The following PDK1 variants were observed in gnomAD, a reference collection of about 807,000 sequenced individuals.
PDK1 encodes [Pyruvate dehydrogenase (acetyl-transferring)] kinase isozyme 1, mitochondrial.
In PDK1, 39 loss-of-function variants were observed where a neutral mutation model predicts 54.2. The observed-to-expected ratio is 0.72, with a 90% confidence interval of 0.56 to 0.94. PDK1 has a LOEUF of 0.94. PDK1 is among the 40% of genes least tolerant of loss of function. The pLI is 0.00. For missense variants in PDK1, 552 were observed against 566.0 expected, an observed-to-expected ratio of 0.98 and a Z score of 0.25; for synonymous variants, 221 against 207.1, an observed-to-expected ratio of 1.07 and a Z score of -0.58.
intron 8 of PDK1, among the ~76,000 whole-genome samples, chr2:172,574,503 C>T (rs1478111916): frequency 6.6e-6 from 1 of 152,100 alleles, no homozygotes. Context: ...GGAAGTGTTG[C>T]CATCTTAGAG....
At chr2:172,703,892 C>T in the PDK1 span, among the ~76,000 whole-genome samples, 1 of 150,692 alleles carries the variant, frequency 6.6e-6, no homozygotes, top group Non-Finnish European at 1.5e-5. Flanking sequence ...CCTGCCTCAT[C>T]CTCCTGAGTA....
the PDK1 span, among the ~76,000 whole-genome samples, chr2:172,614,379 A>T: frequency 1.3e-5 from 2 of 152,192 alleles, no homozygotes; most frequent in Non-Finnish European, 2.9e-5. Context: ...CCTATGGACC[A>T]ATCAGCATGT....
the PDK1 span, among the ~76,000 whole-genome samples, chr2:172,669,032 C>CA: frequency 2.8e-5 from 4 of 145,454 alleles, no homozygotes; most frequent in Non-Finnish European, 6.0e-5. Context: ...CATGCTGCTT[C>CA]AAATGACAGA....
Position 172,597,765 on chromosome 2 carries a change from A to C in PDK1, c.*1796A>C. 1 of 152,238 alleles carries C rather than the reference A, an allele frequency of 6.6e-6. No homozygotes were observed. The highest frequency in any genetic ancestry group is 1.9e-4 in the East Asian group (1 of 5,202). 9.4% of individuals were successfully genotyped at this position (152,238 alleles called of 1,614,324 possible). A position where few individuals can be genotyped will look rare whatever the true frequency, so the allele number is the denominator to read the frequency against. ...TAAGGTGGCAGGAAATAATATTGGA[A>C]ATAACATTTTAAAGTAAAAATTTTA... On this transcript the variant is annotated 3_prime_UTR_variant, in exon 11 of 11. Transcript: ENST00000282077.
the PDK1 span, among the ~76,000 whole-genome samples, chr2:172,634,122 C>T: frequency 1.3e-5 from 2 of 151,196 alleles, no homozygotes; most frequent in African/African-American, 4.8e-5. Context: ...AGGTCATCTG[C>T]CCGCCTCAGC....
At chr2:172,645,581 T>C in the PDK1 span, among the ~76,000 whole-genome samples, 1 of 152,136 alleles carries the variant, frequency 6.6e-6, no homozygotes, top group African/African-American at 2.4e-5. Flanking sequence ...TTTATTGTGC[T>C]CTTAATACAT....
At chr2:172,660,858 A>C in the PDK1 span, among the ~76,000 whole-genome samples, 1 of 152,018 alleles carries the variant, frequency 6.6e-6, no homozygotes, top group East Asian at 1.9e-4. Flanking sequence ...CTGTTGCTCT[A>C]AATAAGCCCA....
intron 9 of PDK1, among the ~76,000 whole-genome samples, chr2:172,588,508 T>C (rs1690385069): frequency 6.6e-6 from 1 of 152,248 alleles, no homozygotes; most frequent in African/African-American, 2.4e-5. Context: ...AAATGCCATG[T>C]AAGTGTGTGT....
chr2:172,588,640 G>A (rs1295102091), intron 9 of PDK1, among the ~76,000 whole-genome samples: 1 of 152,172 alleles, frequency 6.6e-6, no homozygotes, highest in African/African-American at 2.4e-5. Context: ...TTCTTGCAGA[G>A]CCTCCTTTCT....
the PDK1 span, among the ~76,000 whole-genome samples, chr2:172,622,156 T>TATTATGTGAGATATGTTTATATC: frequency 3.7e-5 from 5 of 133,710 alleles, no homozygotes; most frequent in Non-Finnish European, 4.9e-5. Context: ...GTTTATATCA[T>TATTATGTGAGATATGTTTATATC]ATATTATGTG....
At chr2:172,670,272 A>C in the PDK1 span, among the ~76,000 whole-genome samples, 1 of 152,158 alleles carries the variant, frequency 6.6e-6, no homozygotes, top group Non-Finnish European at 1.5e-5. Context: ...AATAACCATG[A>C]CCTAAAATTT....
chr2:172,669,082 C>A, the PDK1 span, among the ~76,000 whole-genome samples: 2 of 102,224 alleles, frequency 2.0e-5, no homozygotes, highest in South Asian at 3.2e-4. Context: ...TTTTTTGAGA[C>A]GGAGTCTCGC....
At position 172,591,902 on chromosome 2, in the gene PDK1, A is replaced by G. The variant is rs576107164; in HGVS notation, c.1057-1033A>G. 1.5e-3 allele frequency among the ~76,000 whole-genome samples: 232 copies of G among 152,330 alleles called. 3 individuals carry two copies. The highest frequency in any genetic ancestry group is 6.8e-3 in the Middle Eastern group (2 of 294). ...TTGGCTGAGTGCAAACAGCTCGCAT[A>G]TTTGAGCAGACCAATTATTAGGCAA... On this transcript the variant is annotated intron_variant, in intron 9 of 10. Coordinates refer to ENST00000282077, the MANE Select transcript of PDK1 (RefSeq NM_002610.5).
rs1037211520 is a variant in PDK1, at chr2:172,597,609, T to G, written c.*1640T>G. The G allele has an allele frequency of 6.6e-6, 1 of 152,186 alleles. No individual in the cohort carries two copies. The highest frequency in any genetic ancestry group is 1.5e-5 in the Non-Finnish European group (1 of 68,038). The allele number at this position is 152,186 out of a possible 1,614,324, so 9.4% of individuals were successfully genotyped here. A position where few individuals can be genotyped will look rare whatever the true frequency, so the allele number is the denominator to read the frequency against. ...TAGGTGGTATCATTCTCTTTCTCAC[T>G]CAGTGTGGCCCAGAGTTGCTCAGAA... is the stretch of plus-strand genomic sequence containing the variant. On this transcript the variant is annotated 3_prime_UTR_variant, in exon 11 of 11. Coordinates refer to ENST00000282077, the MANE Select transcript of PDK1 (RefSeq NM_002610.5).
intron 8 of PDK1, among the ~76,000 whole-genome samples, chr2:172,580,490 G>A (rs1574503122): frequency 6.6e-6 from 1 of 152,244 alleles, no homozygotes; most frequent in South Asian, 2.1e-4. Context: ...AAGGTTTACT[G>A]AGTTCTTAGA....
upstream of PDK1, chr2:172,555,903 G>A (rs544135557): frequency 1.3e-4 from 47 of 353,614 alleles, no homozygotes; most frequent in Middle Eastern, 1.5e-3. Flanking sequence ...TCCTTCCTCG[G>A]GAGGCTGGGC....
chr2:172,656,803 AAAAATTAAAAGAT>A, the PDK1 span, among the ~76,000 whole-genome samples: 1 of 152,186 alleles, frequency 6.6e-6, no homozygotes, highest in Non-Finnish European at 1.5e-5. Flanking sequence ...ATAAATAAAT[AAAAATTAAAAGAT>A]AAAATTTAAA....
the PDK1 span, among the ~76,000 whole-genome samples, chr2:172,687,732 G>T: frequency 6.6e-6 from 1 of 152,170 alleles, no homozygotes; most frequent in African/African-American, 2.4e-5. Flanking sequence ...CAAGAGAATA[G>T]CAGGAGGTGT....
At chr2:172,656,890 A>C in the PDK1 span, among the ~76,000 whole-genome samples, 1 of 152,364 alleles carries the variant, frequency 6.6e-6, no homozygotes, top group South Asian at 2.1e-4. Context: ...TGAGAGTTTG[A>C]TGAGACTCTT....
Sources: gnomAD v4.1 joint callset for allele counts (sites outside exome capture counted in the v4.1 genomes callset) on GRCh38, gnomAD v4.1.1 for gene constraint, MANE v1.5 for transcripts, NCBI Gene and HGNC (gene_info 2026-07-23, HGNC 2026-07-21) for gene names.